The following NUDT9 variants were observed in gnomAD, a reference collection of about 807,000 sequenced individuals.
NUDT9 encodes ADP-ribose pyrophosphatase.
A neutral mutation model predicts 41.0 loss-of-function variants in NUDT9; 31 were observed. The ratio of observed to expected loss-of-function variants is 0.76; its 90% CI spans 0.57 to 1.02. NUDT9 has a LOEUF of 1.02. Among genes scored for constraint, NUDT9 ranks in the 50% least tolerant of loss-of-function variants. NUDT9 has a pLI of 0.00. For missense variants in NUDT9, 380 were observed against 431.4 expected (o/e 0.88, Z 1.06); for synonymous variants, 146 against 147.6 (o/e 0.99, Z 0.08).
At chr4:87,446,936 C>T (rs1722488087) in intron 4 of NUDT9, among the ~76,000 whole-genome samples, 1 of 152,202 alleles carries the variant, frequency 6.6e-6, no homozygotes, top group Admixed American at 6.5e-5. Flanking sequence ...TGAGTCCAGT[C>T]TTGCTTTCCT....
chr4:87,444,022 A>T (rs1342351392), intron 4 of NUDT9, among the ~76,000 whole-genome samples: 2 of 152,118 alleles, frequency 1.3e-5, no homozygotes, highest in East Asian at 3.9e-4. Context: ...TAATGTTTAG[A>T]TATGCTTAGC....
At chr4:87,443,420 G>A (rs1478232466) in intron 4 of NUDT9, among the ~76,000 whole-genome samples, 1 of 152,160 alleles carries the variant, frequency 6.6e-6, no homozygotes, top group Admixed American at 6.5e-5. Context: ...TTCTATTTAT[G>A]CATCTATTTA....
At chr4:87,424,237 G>A (rs1721294327) in intron 1 of NUDT9, among the ~76,000 whole-genome samples, 1 of 146,510 alleles carries the variant, frequency 6.8e-6, no homozygotes, top group African/African-American at 2.5e-5. Flanking sequence ...TGTAGGAATA[G>A]CATTTCTCCC....
intron 6 of NUDT9, 129 bp from the exon 7 acceptor site, chr4:87,454,242 G>A (rs1722888439): frequency 3.3e-6 from 2 of 601,098 alleles, no homozygotes; most frequent in South Asian, 2.1e-5. Flanking sequence ...GTACAGCTCA[G>A]TAGCATTAAG....
At chr4:87,434,573 TC>T (rs1721824851) in intron 1 of NUDT9, among the ~76,000 whole-genome samples, 1 of 152,160 alleles carries the variant, frequency 6.6e-6, no homozygotes, top group Admixed American at 6.5e-5. Flanking sequence ...ATTTTCTGAT[TC>T]TTAAAGGTTT....
intron 3 of NUDT9, among the ~76,000 whole-genome samples, chr4:87,438,651 G>C (rs978940637): frequency 6.6e-6 from 1 of 152,082 alleles, no homozygotes; most frequent in African/African-American, 2.4e-5. Flanking sequence ...AGAAATAATT[G>C]AATACATTAA....
At chr4:87,439,421 C>T (rs1378772470) in intron 3 of NUDT9, among the ~76,000 whole-genome samples, 2 of 152,058 alleles carry the variant, frequency 1.3e-5, no homozygotes, top group Non-Finnish European at 2.9e-5. Flanking sequence ...TTTGGGAGGC[C>T]AAGGCGGGTG....
At chr4:87,448,033 T>A (rs1190976211) in intron 4 of NUDT9, among the ~76,000 whole-genome samples, 1 of 149,962 alleles carries the variant, frequency 6.7e-6, no homozygotes, top group African/African-American at 2.4e-5. Context: ...CCCTGTCTTT[T>A]TAAAAAAAAA....
chr4:87,449,043 C>G (rs1188032400), intron 4 of NUDT9, 99 bp from the exon 5 acceptor site: 1 of 653,796 alleles, frequency 1.5e-6, no homozygotes, highest in Non-Finnish European at 2.7e-6. Flanking sequence ...TATATATACT[C>G]TGCTTTAAAG....
Position 87,433,117 on chromosome 4 carries a change from C to T in NUDT9, c.108-1864C>T, listed in dbSNP as rs113131340. Among the ~76,000 whole-genome samples the T allele has an allele frequency of 7.4e-3, 1,132 of 152,144 alleles. 9 individuals carry two copies. The highest frequency in any genetic ancestry group is 0.026 in the African/African-American group (1,062 of 41,500). ...GTTTGGTAGAATTTATCAGTAAAGC[C>T]ATCTGGTCCTGGGTTTTTCTTTGTT... is the stretch of plus-strand genomic sequence containing the variant. On this transcript the variant is annotated intron_variant, in intron 1 of 7. Transcript: ENST00000302174.
intron 3 of NUDT9, among the ~76,000 whole-genome samples, chr4:87,440,572 G>A (rs1722159458): frequency 6.6e-6 from 1 of 152,182 alleles, no homozygotes; most frequent in Non-Finnish European, 1.5e-5. Flanking sequence ...TGCAGGCCGG[G>A]CATGGTGGCT....
intron 7 of NUDT9, among the ~76,000 whole-genome samples, chr4:87,457,028 A>C (rs1183202589): frequency 6.6e-6 from 1 of 152,088 alleles, no homozygotes; most frequent in East Asian, 1.9e-4. Flanking sequence ...TTCAAAGAGG[A>C]ATTACTGGAT....
In NUDT9 at chr4:87,458,044, A is replaced by G; in HGVS notation, c.*23A>G. On this transcript the variant is annotated 3_prime_UTR_variant, in exon 8 of 8. Coordinates refer to ENST00000302174, the MANE Select transcript of NUDT9 (RefSeq NM_024047.5). ...TAGCTGATGGTCTCCGTGTAAGCCA[A>G]AGGCCCACAGAGGAGCATATACTGA... 2 of 1,502,058 alleles carry G rather than the reference A, an allele frequency of 1.3e-6. No homozygotes were observed. The highest frequency in any genetic ancestry group is 1.4e-5 in the African/African-American group (1 of 69,168). 93.0% of individuals were successfully genotyped at this position (1,502,058 alleles called of 1,614,324 possible).
intron 1 of NUDT9, among the ~76,000 whole-genome samples, chr4:87,428,515 G>A (rs1036884755): frequency 3.8e-5 from 5 of 131,840 alleles, no homozygotes; most frequent in African/African-American, 1.2e-4. Context: ...AATAAACTGC[G>A]GTACATCCAG....
chr4:87,451,745 A>C lies in NUDT9; in HGVS notation c.789+10A>C, dbSNP rs760308932. On this transcript the variant is annotated intron_variant, in intron 6 of 7. Transcript: ENST00000302174. ...CCAAGACCACCTAGTGGTAAGAAAT[A>C]GTGTTTCTGGGAGGGATTTAGTTCT... The C allele has an allele frequency of 1.4e-5, 23 of 1,611,626 alleles. No homozygotes were observed. The highest frequency in any genetic ancestry group is 2.0e-5 in the Non-Finnish European group (23 of 1,178,998).
chr4:87,428,329 A>C (rs950220392), intron 1 of NUDT9, among the ~76,000 whole-genome samples: 1 of 152,234 alleles, frequency 6.6e-6, no homozygotes, highest in African/African-American at 2.4e-5. Context: ...ACAGTTTGTC[A>C]GTTTCTTACA....
Position 87,450,383 on chromosome 4 carries a change from T to TC in NUDT9, c.642+1130_642+1131insC, listed in dbSNP as rs1231227877. Among the ~76,000 whole-genome samples, 19 of 140,010 alleles carry TC rather than the reference T, an allele frequency of 1.4e-4. No individual in the cohort carries two copies. In the East Asian group the frequency reaches 2.6e-3, roughly 19 times the overall value. The allele number at this position is 140,010 out of a possible 152,430, so 91.9% of individuals were successfully genotyped here. A position where few individuals can be genotyped will look rare whatever the true frequency, so the allele number is the denominator to read the frequency against. ...GCTAATTTCTTTTTCTTTTTCTTTTTTTTTTTTTTTTTTTTGAGACGGAGT... is the reference window on the plus strand; with the variant it reads ...GCTAATTTCTTTTTCTTTTTCTTTTTCTTTTTTTTTTTTTTTGAGACGGAGT... On this transcript the variant is annotated intron_variant, in intron 5 of 7. Coordinates refer to ENST00000302174, the MANE Select transcript of NUDT9 (RefSeq NM_024047.5).
intron 3 of NUDT9, among the ~76,000 whole-genome samples, chr4:87,439,077 G>A (rs7665115): frequency 0.23 from 34,382 of 151,658 alleles, 3,973 homozygotes; most frequent in Non-Finnish European, 0.26. Context: ...TGAGGGAGGA[G>A]AATTGCTTGA....
chr4:87,425,183 C>T (rs1213477508), intron 1 of NUDT9, among the ~76,000 whole-genome samples: 1 of 151,716 alleles, frequency 6.6e-6, no homozygotes, highest in Non-Finnish European at 1.5e-5. Flanking sequence ...TAGCAAGACC[C>T]TTGTCTCTAA....
Sources: allele counts gnomAD v4.1 joint callset (sites outside exome capture counted in the v4.1 genomes callset), GRCh38; gene constraint gnomAD v4.1.1; transcripts MANE v1.5; gene names NCBI Gene and HGNC (gene_info 2026-07-23, HGNC 2026-07-21).